GMIP: variants seen among roughly 807,000 people sequenced by gnomAD.
The protein encoded by GMIP is GEM-interacting protein.
GMIP carries 54 observed loss-of-function variants against 105.3 expected under a neutral mutation model. The observed-to-expected ratio is 0.51, with a 90% confidence interval of 0.41 to 0.64. The LOEUF is 0.64. GMIP is among the 30% of genes least tolerant of loss of function. The probability of loss-of-function intolerance (pLI) is 0.00; values close to 1 mark genes in which losing one functional copy is unlikely to be tolerated. For synonymous variants in GMIP, 541 were observed against 560.8 expected (o/e 0.96, Z 0.50); for missense variants, 1,110 against 1,319.4 (o/e 0.84, Z 2.46).
chr19:19,637,517 A>G lies in GMIP; in HGVS notation c.972T>C (p.Arg324=). 1 of 1,537,726 alleles carries G rather than the reference A, an allele frequency of 6.5e-7. No homozygotes were observed. The highest frequency in any genetic ancestry group is 8.7e-7 in the Non-Finnish European group (1 of 1,143,490). ...LFGLRGAQAE[R]GPRAFAALAE... Reference sequence around the variant, plus strand: ...CCAGGGCGGCGAAGGCGCGGGGGCCACGCTCTGCCTGCGCCCCCCGCAGCC... The same window carrying G: ...CCAGGGCGGCGAAGGCGCGGGGGCCGCGCTCTGCCTGCGCCCCCCGCAGCC... The change falls in exon 11 of 21, where the codon CGT becomes CGC. Residue 324 remains arginine, a synonymous_variant. Transcript: ENST00000203556. The surrounding 1 kb of genome is among the most constrained non-coding windows in gnomAD (Gnocchi z 6.7).
chr19:19,630,028 C>G lies in GMIP; in HGVS notation c.2848G>C (p.Glu950Gln). ...CAGCAGGTGGCCCTGGGCACAGCCTCGCTGTCCAATTTCGAGAGTAGCCGG... is the reference window on the plus strand; with the variant it reads ...CAGCAGGTGGCCCTGGGCACAGCCTGGCTGTCCAATTTCGAGAGTAGCCGG... ...TARLLSKLDSEAVPRATCCPD... is the reference protein window; with the variant it reads ...TARLLSKLDSQAVPRATCCPD... The change falls in exon 21 of 21, where the codon GAG (glutamate) becomes CAG (glutamine). Residue 950 changes from glutamate to glutamine, a missense_variant. Physicochemically the swap from Glu to Gln is conservative, Grantham distance 29 (BLOSUM62 2). Coordinates refer to ENST00000203556, the MANE Select transcript of GMIP (RefSeq NM_016573.4). This position sits in a 1 kb window ranked among gnomAD's most constrained non-coding sequence, Gnocchi z 4.8. The G allele has an allele frequency of 6.2e-7, 1 of 1,608,380 alleles. No homozygotes were observed. Among genetic ancestry groups the G allele is most frequent in the Non-Finnish European group, 8.5e-7 (1 of 1,177,764 alleles).
chr19:19,637,827 G>T lies in GMIP; in HGVS notation c.927+93C>A. 7.4e-7 allele frequency: 1 copy of T among 1,342,404 alleles called. No individual in the cohort carries two copies. The highest frequency in any genetic ancestry group is 1.0e-6 in the Non-Finnish European group (1 of 977,680). 83.2% of individuals were successfully genotyped at this position (1,342,404 alleles called of 1,614,324 possible). A position where few individuals can be genotyped will look rare whatever the true frequency, so the allele number is the denominator to read the frequency against. ...CTGTCGAGGGAAATGGCCTAGTCCT[G>T]GTGTCTCCAGGGTGGCTTAGGGGCG... On this transcript the variant is annotated intron_variant, in intron 10 of 20. Coordinates refer to ENST00000203556, the MANE Select transcript of GMIP (RefSeq NM_016573.4). This position sits in a 1 kb window ranked among gnomAD's most constrained non-coding sequence, Gnocchi z 6.7.
intron 7 of GMIP, among the ~76,000 whole-genome samples, chr19:19,639,386 CTTT>C (rs1176034410): frequency 6.6e-6 from 1 of 151,952 alleles, no homozygotes; most frequent in African/African-American, 2.4e-5. Flanking sequence ...AGGCTGGACC[CTTT>C]TCTGAGTCAG....
intron 7 of GMIP, among the ~76,000 whole-genome samples, chr19:19,639,596 C>A (rs1353153754): frequency 6.6e-6 from 1 of 152,084 alleles, no homozygotes; most frequent in Admixed American, 6.5e-5. Context: ...CGCCTGTAAT[C>A]CCACCACTTT....
rs758128475 is a variant in GMIP, at chr19:19,635,679, G to A, written c.1370C>T (p.Thr457Ile). The A allele has an allele frequency of 6.2e-7, 1 of 1,614,164 alleles. No individual in the cohort carries two copies. Among genetic ancestry groups the A allele is most frequent in the Non-Finnish European group, 8.5e-7 (1 of 1,180,026 alleles). ...RQLVKASSTG[T>I]ESSDDFEERD... ...CTCCTCAAAGTCATCTGAGGACTCA[G>A]TGCCTGTGGACGAAGCCTTCACCAG... The change falls in exon 14 of 21, where the codon ACT becomes ATT. Residue 457 changes from threonine (T) to isoleucine (I), a missense_variant. Transcript: ENST00000203556. The surrounding 1 kb of genome is among the most constrained non-coding windows in gnomAD (Gnocchi z 4.7).
chr19:19,630,245 C>T lies in GMIP; in HGVS notation c.2631G>A (p.Val877=). ...RQPVKYPRGG[V]RPVTHQLSSL... ...TGGACAGCTGGTGGGTTACAGGCCTCACACCGCCCCGGGGATACTTCACTG... is the reference window on the plus strand; with the variant it reads ...TGGACAGCTGGTGGGTTACAGGCCTTACACCGCCCCGGGGATACTTCACTG... Residue 877 remains valine, a synonymous_variant, in exon 21 of 21, where the codon GTG becomes GTA. Transcript: ENST00000203556. This position sits in a 1 kb window ranked among gnomAD's most constrained non-coding sequence, Gnocchi z 4.8. 6.3e-7 allele frequency: 1 copy of T among 1,579,194 alleles called. No homozygotes were observed. Among genetic ancestry groups the T allele is most frequent in the Non-Finnish European group, 8.6e-7 (1 of 1,159,442 alleles).
At position 19,630,232 on chromosome 19, in the gene GMIP, G is replaced by A; in HGVS notation, c.2644C>T (p.His882Tyr). ...ACCAGGGCCAGACTGGACAGCTGGT[G>A]GGTTACAGGCCTCACACCGCCCCGG... ...YPRGGVRPVT[H>Y]QLSSLALVAS... Residue 882 changes from histidine (H) to tyrosine (Y), a missense_variant, in exon 21 of 21, where the codon CAC becomes TAC. Physicochemically the swap from His to Tyr is moderately conservative, Grantham distance 83. Transcript: ENST00000203556. This position sits in a 1 kb window ranked among gnomAD's most constrained non-coding sequence, Gnocchi z 4.8. The A allele has an allele frequency of 1.3e-6, 2 of 1,589,316 alleles. No homozygotes were observed. Among genetic ancestry groups the A allele is most frequent in the East Asian group, 2.3e-5 (1 of 44,422 alleles).
intron 2 of GMIP, 50 bp downstream of exon 2, chr19:19,642,485 G>A: frequency 1.7e-6 from 2 of 1,172,298 alleles, no homozygotes; most frequent in African/African-American, 1.5e-5. Flanking sequence ...AATGGTTAGG[G>A]GCTTGGGGCA....
chr19:19,640,846 A>C (rs1265386020), intron 4 of GMIP, among the ~76,000 whole-genome samples: 1 of 151,500 alleles, frequency 6.6e-6, no homozygotes, highest in East Asian at 1.9e-4. Flanking sequence ...GCTCACCAAA[A>C]CCTCTGCCTC....
chr19:19,630,149 C>T lies in GMIP; in HGVS notation c.2727G>A (p.Arg909=). The T allele has an allele frequency of 1.2e-6, 2 of 1,604,244 alleles. No homozygotes were observed. Among genetic ancestry groups the T allele is most frequent in the South Asian group, 2.2e-5 (2 of 90,118 alleles). The change falls in exon 21 of 21, where the codon CGG becomes CGA. Residue 909 remains arginine (R), a synonymous_variant. Transcript: ENST00000203556. The surrounding 1 kb of genome is among the most constrained non-coding windows in gnomAD (Gnocchi z 4.8). ...PITSVPRGSL[R]GRGPSPAAAS... The stretch of plus-strand genomic sequence containing the variant: ...CAGCTGCAGGGCTGGGCCCCCGCCC[C>T]CGCAAACTCCCTCTGGGCACTGATG...
intron 19 of GMIP, among the ~76,000 whole-genome samples, chr19:19,633,163 A>G (rs1472039319): frequency 2.0e-5 from 3 of 150,780 alleles, no homozygotes; most frequent in Non-Finnish European, 4.4e-5. Context: ...GGCTCAAGCG[A>G]TTCTCCTGCC....
Position 19,635,321 on chromosome 19 carries a change from G to C in GMIP, c.1560+94C>G. The C allele has an allele frequency of 6.5e-7, 1 of 1,536,292 alleles. No homozygotes were observed. The highest frequency in any genetic ancestry group is 8.9e-7 in the Non-Finnish European group (1 of 1,122,260). ...GGCTCATGGGAGACATCAGGTTAGG[G>C]TGGGTCCCAGGGGCAGAAAGGCTGT... On this transcript the variant is annotated intron_variant, in intron 15 of 20. Transcript: ENST00000203556. The surrounding 1 kb of genome is among the most constrained non-coding windows in gnomAD (Gnocchi z 4.7).
Position 19,638,030 on chromosome 19 carries a change from C to A in GMIP, c.817G>T (p.Ala273Ser). 6.3e-7 allele frequency: 1 copy of A among 1,595,678 alleles called. No homozygotes were observed. The highest frequency in any genetic ancestry group is 8.5e-7 in the Non-Finnish European group (1 of 1,171,880). The change falls in exon 10 of 21, where the codon GCC becomes TCC. Residue 273 changes from alanine (A) to serine (S), a missense_variant. By Grantham distance (99) the Ala-to-Ser change is moderately conservative. Coordinates refer to ENST00000203556, the MANE Select transcript of GMIP (RefSeq NM_016573.4). ...CGCGCGTTGGCCTCGCGGACACAGG[C>A]CTGGTACAGCGCCTCGGCCTCCTGC... is the stretch of plus-strand genomic sequence containing the variant. ...KAQEAEALYQ[A>S]CVREANARQQ...
rs760299706 is a variant in GMIP at position 19,634,834 on chromosome 19, C to T, written c.1845G>A (p.Ser615=). Residue 615 remains serine (S), a synonymous_variant, in exon 17 of 21, where the codon TCG becomes TCA. Transcript: ENST00000203556. The surrounding 1 kb of genome is among the most constrained non-coding windows in gnomAD (Gnocchi z 6.1). The stretch of plus-strand genomic sequence containing the variant: ...TGAGGACACTCGAGACGTCATGAGG[C>T]GAGTTCCCCGACAGCTCCACCAACG... ...GRALVELSGN[S]PHDVSSVLKR... 1.5e-5 allele frequency: 25 copies of T among 1,613,724 alleles called. No homozygotes were observed. Among genetic ancestry groups the T allele is most frequent in the African/African-American group, 2.7e-5 (2 of 74,912 alleles).
rs373919858 is a variant in GMIP at position 19,634,767 on chromosome 19, C to A, written c.1887+25G>T. On this transcript the variant is annotated intron_variant, in intron 17 of 20. Transcript: ENST00000203556. The surrounding 1 kb of genome is among the most constrained non-coding windows in gnomAD (Gnocchi z 6.1). The stretch of plus-strand genomic sequence containing the variant: ...GGCTGTGGAGGGCTCCTGCCCGCGT[C>A]CCCCTCAGTGTCCTGAGCACCAACC... The A allele has an allele frequency of 1.9e-6, 3 of 1,612,254 alleles. No homozygotes were observed. The highest frequency in any genetic ancestry group is 2.2e-5 in the South Asian group (2 of 91,050).
Position 19,642,508 on chromosome 19 carries a change from T to G in GMIP, c.104+27A>C, listed in dbSNP as rs564570165. On this transcript the variant is annotated intron_variant, in intron 2 of 20. Transcript: ENST00000203556. Reference sequence around the variant, plus strand: ...GGGGCTTGGGGCATCTTGGCAGGATTTGGGGGTGATCCAGGCTCAGACTCA... The same window carrying G: ...GGGGCTTGGGGCATCTTGGCAGGATGTGGGGGTGATCCAGGCTCAGACTCA... 5 of 1,487,840 alleles carry G rather than the reference T, an allele frequency of 3.4e-6. No homozygotes were observed. In the African/African-American group the frequency reaches 6.9e-5, roughly 21 times the overall value. 92.2% of individuals were successfully genotyped at this position (1,487,840 alleles called of 1,614,324 possible).
chr19:19,640,702 C>T (rs1305529870), intron 4 of GMIP, 131 bp from the exon 5 acceptor site: 1 of 706,406 alleles, frequency 1.4e-6, no homozygotes, highest in Non-Finnish European at 2.2e-6. Flanking sequence ...TTTGGGATCA[C>T]TTGTCCTGGT....
At chr19:19,640,594 T>A in intron 4 of GMIP, 23 bp from the exon 5 acceptor site, 2 of 1,613,502 alleles carry the variant, frequency 1.2e-6, no homozygotes, top group Non-Finnish European at 8.5e-7. Flanking sequence ...GATGGACCTC[T>A]GACCTTTGCA....
Position 19,632,290 on chromosome 19 carries a change from G to A in GMIP, c.2472+1513C>T, listed in dbSNP as rs144232666. Among the ~76,000 whole-genome samples the A allele has an allele frequency of 5.3e-5, 8 of 149,580 alleles. No homozygotes were observed. In the East Asian group the frequency reaches 1.6e-3, roughly 30 times the overall value. ...ACCTGGGCAACAAGAATGAAACTCC[G>A]TCTAAAAAAATAAAGGATTCCAACT... On this transcript the variant is annotated intron_variant, in intron 19 of 20. Coordinates refer to ENST00000203556, the MANE Select transcript of GMIP (RefSeq NM_016573.4).
Sources: allele counts gnomAD v4.1 joint callset (sites outside exome capture counted in the v4.1 genomes callset), GRCh38; gene constraint gnomAD v4.1.1; non-coding constraint Gnocchi (gnomAD v3.1); transcripts MANE v1.5; gene names NCBI Gene and HGNC (gene_info 2026-07-23, HGNC 2026-07-21).